Variants in MAP3K15 observed in about 807,000 individuals in gnomAD.
MAP3K15 encodes the protein mitogen-activated protein kinase kinase kinase 15, also known as MAPK/ERK kinase kinase 15.
In MAP3K15, 124 loss-of-function variants were observed where a neutral mutation model predicts 99.5. That is an observed-to-expected ratio of 1.25 (90% CI 1.08 to 1.45). The LOEUF is 1.45. Ranked by LOEUF, MAP3K15 falls within the 40% of genes most tolerant of loss-of-function variation. The pLI is 0.00. For synonymous variants in MAP3K15, 494 were observed against 439.6 expected, an observed-to-expected ratio of 1.12 and a Z score of -1.55; for missense variants, 1,242 against 1,079.7, an observed-to-expected ratio of 1.15 and a Z score of -2.11.
intron 3 of MAP3K15, among the ~76,000 whole-genome samples, chrX:19,465,830 G>GGA: frequency 1.1e-5 from 1 of 94,007 alleles, no homozygotes; most frequent in East Asian, 3.5e-4. Flanking sequence ...GGTGTGTAGG[G>GGA]GTGTGTGTGT....
intron 9 of MAP3K15, among the ~76,000 whole-genome samples, chrX:19,424,590 C>A (rs2063815518): frequency 9.0e-6 from 1 of 111,157 alleles, no homozygotes; most frequent in Non-Finnish European, 1.9e-5. Flanking sequence ...CCACCCCAGA[C>A]CTACTGGGCC....
intron 3 of MAP3K15, among the ~76,000 whole-genome samples, chrX:19,467,099 G>C (rs1271997111): frequency 9.0e-6 from 1 of 111,529 alleles, no homozygotes; most frequent in Non-Finnish European, 1.9e-5. Context: ...CCAAAAGACT[G>C]AACACCCCTG....
At position 19,380,204 on chromosome X, in the gene MAP3K15, C is replaced by A; in HGVS notation, c.2505G>T (p.Trp835Cys). ...PRGYGAPADI[W>C]SLGCTIIEMA... ...TCTCAATGATGGTGCAGCCCAGGGA[C>A]CAGATATCGGCTGGGGCACCATATC... is the stretch of plus-strand genomic sequence containing the variant. Residue 835 changes from tryptophan to cysteine, a missense_variant, in exon 19 of 29, where the codon TGG becomes TGT. By Grantham distance (215) the Trp-to-Cys change is radical. Transcript: ENST00000338883. 5.0e-6 allele frequency: 6 copies of A among 1,207,878 alleles called. No homozygotes were observed. Among genetic ancestry groups the A allele is most frequent in the Non-Finnish European group, 6.7e-6 (6 of 893,836 alleles).
chrX:19,393,246 T>G (rs1444560439), intron 16 of MAP3K15, among the ~76,000 whole-genome samples: 1 of 111,558 alleles, frequency 9.0e-6, no homozygotes, highest in African/African-American at 3.3e-5. Context: ...CTACCTTGGT[T>G]TCCCCATCTA....
intron 26 of MAP3K15, among the ~76,000 whole-genome samples, chrX:19,362,523 C>T (rs999837474): frequency 8.1e-5 from 9 of 111,059 alleles, no homozygotes; most frequent in East Asian, 5.6e-4. Context: ...GCACGAGCTA[C>T]GGTGCTGGCT....
intron 6 of MAP3K15, among the ~76,000 whole-genome samples, chrX:19,432,748 CTT>C (rs2063893198): frequency 9.6e-6 from 1 of 104,065 alleles, no homozygotes; most frequent in South Asian, 4.4e-4. Flanking sequence ...GACAGTCTCG[CTT>C]TGTCGCCCAG....
intron 24 of MAP3K15, among the ~76,000 whole-genome samples, chrX:19,369,801 TC>T (rs1223019119): frequency 9.1e-6 from 1 of 110,265 alleles, no homozygotes; most frequent in African/African-American, 3.3e-5. Flanking sequence ...CCCCAGCTAC[TC>T]CGGAGGCTGA....
chrX:19,490,166 CACACACACACACACACACATACATACAAA>C (rs2064358476), intron 1 of MAP3K15, among the ~76,000 whole-genome samples: 1 of 85,890 alleles, frequency 1.2e-5, no homozygotes, highest in Non-Finnish European at 2.6e-5. Flanking sequence ...CACACACACA[CACACACACACACACACACATACATACAAA>C]AATTCCTTAA....
intron 25 of MAP3K15, among the ~76,000 whole-genome samples, chrX:19,363,842 A>G (rs5955552): frequency 0.21 from 23,590 of 109,825 alleles, 4,996 homozygotes; most frequent in African/African-American, 0.65. Flanking sequence ...TAGTAGAGAC[A>G]GGGTTACACC....
At chrX:19,368,671 C>T (rs1052763590) in intron 25 of MAP3K15, among the ~76,000 whole-genome samples, 1 of 111,416 alleles carries the variant, frequency 9.0e-6, no homozygotes, top group African/African-American at 3.3e-5. Flanking sequence ...AACCCCCAAA[C>T]CCTGCTACTT....
rs1207639901 is a variant in MAP3K15, at chrX:19,361,394, G to C, written c.3802C>G (p.Leu1268Val). 23 of 1,207,446 alleles carry C rather than the reference G, an allele frequency of 1.9e-5. No individual in the cohort carries two copies. Among genetic ancestry groups the C allele is most frequent in the Non-Finnish European group, 2.6e-5 (23 of 892,421 alleles). Residue 1268 changes from leucine to valine, a missense_variant, in exon 28 of 29, where the codon CTT becomes GTT. Coordinates refer to ENST00000338883, the MANE Select transcript of MAP3K15 (RefSeq NM_001001671.4). ...GTGATCTCATTAAGAATATCCGAAA[G>C]TGTATAACCCTCTTCAACAATCTGA... is the stretch of plus-strand genomic sequence containing the variant. ...IEKIVEEGYT[L>V]SDILNEITKE...
At chrX:19,436,863 A>C (rs902964225) in intron 6 of MAP3K15, among the ~76,000 whole-genome samples, 1 of 111,170 alleles carries the variant, frequency 9.0e-6, no homozygotes, top group Admixed American at 9.6e-5. Flanking sequence ...TTTTTAGTAG[A>C]AACAGCGTTT....
At chrX:19,508,328 C>T (rs963545364) in intron 1 of MAP3K15, among the ~76,000 whole-genome samples, 3 of 107,200 alleles carry the variant, frequency 2.8e-5, no homozygotes, top group Non-Finnish European at 5.8e-5. Flanking sequence ...CACGCCACCA[C>T]GCCTGGCTAA....
Position 19,425,684 on chromosome X carries a change from C to T in MAP3K15, c.1286G>A (p.Arg429Gln), listed in dbSNP as rs757449532. Residue 429 changes from arginine (R) to glutamine (Q), a missense_variant, in exon 9 of 29, where the codon CGG becomes CAG. By Grantham distance (43) the Arg-to-Gln change is conservative. Transcript: ENST00000338883. The part of the protein sequence containing the change: ...TSLELRKIGV[R>Q]LNSLLGRKGS... ...TTTTCTTCCCAACAAACTGTTCAGCCGGACACCTTAAGAATTTGAATTTTT... is the reference window on the plus strand; with the variant it reads ...TTTTCTTCCCAACAAACTGTTCAGCTGGACACCTTAAGAATTTGAATTTTT... 1.3e-5 allele frequency: 16 copies of T among 1,191,121 alleles called. No homozygotes were observed. Among genetic ancestry groups the T allele is most frequent in the Middle Eastern group, 2.3e-4 (1 of 4,336 alleles).
At chrX:19,414,281 GTCTGCTCCATTA>G (rs1244469249) in intron 10 of MAP3K15, 2 of 123,112 alleles carry the variant, frequency 1.6e-5, no homozygotes, top group East Asian at 5.5e-4. Context: ...TTACGCGGTT[GTCTGCTCCATTA>G]TTTTTTTGTA....
intron 1 of MAP3K15, among the ~76,000 whole-genome samples, chrX:19,490,791 G>T (rs904972905): frequency 1.8e-5 from 2 of 109,714 alleles, no homozygotes; most frequent in South Asian, 7.9e-4. Flanking sequence ...CCCTGGAGTT[G>T]CACCCTGTAA....
At chrX:19,506,243 T>C (rs2064476132) in intron 1 of MAP3K15, among the ~76,000 whole-genome samples, 1 of 111,107 alleles carries the variant, frequency 9.0e-6, no homozygotes, top group Non-Finnish European at 1.9e-5. Flanking sequence ...CTGATTTTTG[T>C]ATTATTAGTA....
chrX:19,462,824 C>A (rs2064141280), intron 4 of MAP3K15, among the ~76,000 whole-genome samples: 1 of 112,101 alleles, frequency 8.9e-6, no homozygotes, highest in African/African-American at 3.2e-5. Context: ...ATGTTTTAAA[C>A]TATAAGCACC....
chrX:19,468,754 G>A (rs955253387), intron 3 of MAP3K15, among the ~76,000 whole-genome samples: 7 of 111,679 alleles, frequency 6.3e-5, no homozygotes, highest in African/African-American at 2.3e-4. Context: ...CATGAGCATG[G>A]AATGTTCTTC....
Sources: allele counts gnomAD v4.1 joint callset (sites outside exome capture counted in the v4.1 genomes callset), GRCh38; gene constraint gnomAD v4.1.1; transcripts MANE v1.5; gene names NCBI Gene and HGNC (gene_info 2026-07-23, HGNC 2026-07-21).